Variants in MEGF11 observed in about 807,000 individuals in gnomAD.
MEGF11 encodes multiple EGF like domains 11.
In MEGF11, 126 loss-of-function variants were observed where a neutral mutation model predicts 146.6. That is an observed-to-expected ratio of 0.86 (90% CI 0.74 to 1.00). MEGF11 has a LOEUF of 1.00. MEGF11 is among the 50% of genes least tolerant of loss of function. MEGF11 has a pLI of 0.00. For synonymous variants in MEGF11, 532 were observed against 583.4 expected, an observed-to-expected ratio of 0.91 and a Z score of 1.27; for missense variants, 1,509 against 1,521.2, an observed-to-expected ratio of 0.99 and a Z score of 0.13.
chr15:66,070,943 A>G (rs1241054893), intron 5 of MEGF11, among the ~76,000 whole-genome samples: 1 of 152,132 alleles, frequency 6.6e-6, no homozygotes, highest in Admixed American at 6.5e-5. Flanking sequence ...GGAATCGAGG[A>G]GAAAACTATG....
rs778628456 is a variant in MEGF11, at chr15:65,898,756, C to T, written c.3234G>A (p.Ser1078=). 2.9e-5 allele frequency: 46 copies of T among 1,613,696 alleles called. No individual in the cohort carries two copies. Among genetic ancestry groups the T allele is most frequent in the Admixed American group, 5.0e-5 (3 of 59,990 alleles). ...CTTCATATATATTTTTATTAGATGT[C>T]GACAAGGATGGCACATCTGTGTACG... ...GSPYTDVPSL[S]TSNKNIYEVE... The change falls in exon 25 of 26, where the codon TCG becomes TCA. Residue 1078 remains serine (S), a synonymous_variant. Coordinates refer to ENST00000395614, the MANE Select transcript of MEGF11 (RefSeq NM_001385028.1).
At chr15:66,120,149 C>T (rs1471630551) in intron 3 of MEGF11, among the ~76,000 whole-genome samples, 2 of 152,206 alleles carry the variant, frequency 1.3e-5, no homozygotes, top group African/African-American at 4.8e-5. Flanking sequence ...ACCTACTGCC[C>T]TCTACCAGGT....
chr15:65,949,967 C>G (rs1371172248), intron 10 of MEGF11, among the ~76,000 whole-genome samples: 2 of 152,212 alleles, frequency 1.3e-5, no homozygotes, highest in East Asian at 3.9e-4. Context: ...TCTTGGGAAC[C>G]CAGGAGCCCT....
intron 10 of MEGF11, among the ~76,000 whole-genome samples, chr15:65,950,536 G>A (rs2080361867): frequency 6.6e-6 from 1 of 151,704 alleles, no homozygotes; most frequent in African/African-American, 2.4e-5. Context: ...AGCCAAGATC[G>A]CACCACTGCA....
chr15:66,114,782 G>A (rs780923508), intron 4 of MEGF11, among the ~76,000 whole-genome samples: 1 of 152,174 alleles, frequency 6.6e-6, no homozygotes, highest in Non-Finnish European at 1.5e-5. Context: ...AGTTGGGCAG[G>A]GGTGGGTGGG....
At chr15:65,928,206 C>A (rs563960801) in intron 13 of MEGF11, among the ~76,000 whole-genome samples, 12 of 152,182 alleles carry the variant, frequency 7.9e-5, no homozygotes, top group African/African-American at 2.9e-4. Flanking sequence ...ACTGGAGTGA[C>A]TCCAGTGCCT....
chr15:66,018,595 G>A (rs191768672), intron 5 of MEGF11, among the ~76,000 whole-genome samples: 182 of 152,318 alleles, frequency 1.2e-3, no homozygotes, highest in Middle Eastern at 6.8e-3. Context: ...GTGTGGGAGA[G>A]GGTGTGCGTG....
chr15:65,992,483 A>C (rs78207546), intron 5 of MEGF11, among the ~76,000 whole-genome samples: 1 of 149,806 alleles, frequency 6.7e-6, no homozygotes, highest in Non-Finnish European at 1.5e-5. Context: ...CTGAGGCACT[A>C]TCAGCCATTA....
intron 5 of MEGF11, among the ~76,000 whole-genome samples, chr15:66,016,476 TCAG>T (rs2082887841): frequency 8.7e-6 from 1 of 114,400 alleles, no homozygotes; most frequent in Non-Finnish European, 1.7e-5. Context: ...TTCCATCCAT[TCAG>T]TTTTTTTTTT....
chr15:66,075,409 G>A (rs995124945), intron 5 of MEGF11, among the ~76,000 whole-genome samples: 3 of 152,208 alleles, frequency 2.0e-5, no homozygotes, highest in African/African-American at 7.2e-5. Flanking sequence ...TGCAAAAAGA[G>A]CACTGGCTTT....
intron 1 of MEGF11, among the ~76,000 whole-genome samples, chr15:66,148,436 A>G (rs1403874358): frequency 6.6e-6 from 1 of 151,858 alleles, no homozygotes; most frequent in Non-Finnish European, 1.5e-5. Context: ...AAAAGTCAGC[A>G]CTCTCCCACT....
rs2084549697 is a variant in MEGF11 at position 66,053,714 on chromosome 15, A to ATTTTT, written c.394+40687_394+40688insAAAAA. On this transcript the variant is annotated intron_variant, in intron 5 of 25. Transcript: ENST00000395614. ...ACTCAGCTCCCCCTCCCCTGGCACC[A>ATTTTT]ATTTTTTTTTTTTTTTTTTTTTTTT... Among the ~76,000 whole-genome samples the ATTTTT allele has an allele frequency of 1.0e-3, 43 of 42,286 alleles. 18 individuals carry two copies. Among genetic ancestry groups the ATTTTT allele is most frequent in the Admixed American group, 1.7e-3 (4 of 2,340 alleles). 27.7% of individuals were successfully genotyped at this position (42,286 alleles called of 152,430 possible).
intron 23 of MEGF11, among the ~76,000 whole-genome samples, chr15:65,908,195 C>T (rs902162338): frequency 3.9e-5 from 6 of 152,220 alleles, no homozygotes; most frequent in Non-Finnish European, 4.4e-5. Flanking sequence ...AACATTCACC[C>T]TTCCTGGTAT....
At chr15:66,173,451 G>A (rs2090315904) in intron 1 of MEGF11, among the ~76,000 whole-genome samples, 1 of 152,098 alleles carries the variant, frequency 6.6e-6, no homozygotes. Flanking sequence ...GAATAGCTGG[G>A]ATTACAGGTG....
At chr15:66,074,912 G>A (rs141496787) in intron 5 of MEGF11, among the ~76,000 whole-genome samples, 91 of 152,268 alleles carry the variant, frequency 6.0e-4, no homozygotes, top group African/African-American at 2.0e-3. Flanking sequence ...AGTGAGGTCA[G>A]CATCTTTCCA....
chr15:66,176,630 C>T (rs933145838), intron 1 of MEGF11, among the ~76,000 whole-genome samples: 1 of 152,256 alleles, frequency 6.6e-6, no homozygotes, highest in Non-Finnish European at 1.5e-5. Context: ...ATTTCCATCA[C>T]TGCAGAGGAC....
intron 5 of MEGF11, 46 bp downstream of exon 5, chr15:66,094,356 C>G (rs767817737): frequency 1.2e-4 from 178 of 1,500,680 alleles, no homozygotes; most frequent in Non-Finnish European, 1.5e-4. Flanking sequence ...ACTCCCCTAC[C>G]AAGTCAGAGC....
intron 5 of MEGF11, among the ~76,000 whole-genome samples, chr15:66,048,598 T>A (rs1000445189): frequency 1.3e-5 from 2 of 152,152 alleles, no homozygotes; most frequent in African/African-American, 4.8e-5. Flanking sequence ...CACAGAGACA[T>A]CTTGTGGGCT....
intron 20 of MEGF11, 77 bp from the exon 21 acceptor site, chr15:65,912,277 G>C: frequency 1.1e-6 from 1 of 908,638 alleles, no homozygotes; most frequent in Non-Finnish European, 1.4e-6. Context: ...TAATGCTTGC[G>C]CTGGGAGCCT....
Sources: allele counts gnomAD v4.1 joint callset (sites outside exome capture counted in the v4.1 genomes callset), GRCh38; gene constraint gnomAD v4.1.1; transcripts MANE v1.5; gene names NCBI Gene and HGNC (gene_info 2026-07-23, HGNC 2026-07-21).